Variants in NTM observed in about 807,000 individuals in gnomAD.
The protein encoded by NTM is neurotrimin, also known as IgLON family member 2.
NTM carries 13 observed loss-of-function variants against 42.1 expected under a neutral mutation model. The ratio of observed to expected loss-of-function variants is 0.31; its 90% confidence interval spans 0.20 to 0.49. NTM has a LOEUF of 0.49. Ranked by LOEUF, NTM falls within the 20% of genes least tolerant of loss-of-function variation. NTM has a pLI of 0.99. For synonymous variants in NTM, 187 were observed against 179.2 expected (o/e 1.04, Z -0.35); for missense variants, 373 against 452.8 (o/e 0.82, Z 1.60).
At chr11:131,971,603 C>A (rs11222853) in intron 2 of NTM, among the ~76,000 whole-genome samples, 4 of 151,816 alleles carry the variant, frequency 2.6e-5, no homozygotes, top group Admixed American at 2.6e-4. Flanking sequence ...CTGGAACCAA[C>A]CTGCCTGGGT....
chr11:131,659,120 G>A (rs1377157805), intron 1 of NTM, among the ~76,000 whole-genome samples: 1 of 152,176 alleles, frequency 6.6e-6, no homozygotes, highest in Non-Finnish European at 1.5e-5. Context: ...AAATATTCAA[G>A]GAACTGCTGC....
At position 131,978,332 on chromosome 11, in the gene NTM, A is replaced by G. The variant is rs78472771; in HGVS notation, c.167+66684A>G. ...ATTACATATTTTTCTTTAAAACAGT[A>G]ATAGACTCAGGGATGTTGGCAATGG... is the stretch of plus-strand genomic sequence containing the variant. On this transcript the variant is annotated intron_variant, in intron 2 of 8. Coordinates refer to ENST00000683400, the MANE Select transcript of NTM (RefSeq NM_001352005.2). Among the ~76,000 whole-genome samples the G allele has an allele frequency of 4.1e-3, 629 of 152,332 alleles. 3 individuals carry two copies. Among genetic ancestry groups the G allele is most frequent in the African/African-American group, 0.014 (592 of 41,564 alleles).
At chr11:131,653,198 T>G (rs2066733329) in intron 1 of NTM, among the ~76,000 whole-genome samples, 1 of 152,154 alleles carries the variant, frequency 6.6e-6, no homozygotes, top group African/African-American at 2.4e-5. Context: ...TAGTCTTCCT[T>G]TCTTAGGGAC....
At chr11:131,687,899 C>A (rs1036796597) in intron 1 of NTM, among the ~76,000 whole-genome samples, 2 of 152,174 alleles carry the variant, frequency 1.3e-5, no homozygotes, top group Non-Finnish European at 2.9e-5. Flanking sequence ...CCCCTTGGTG[C>A]CGAATGTGTC....
intron 1 of NTM, among the ~76,000 whole-genome samples, chr11:131,424,066 T>C (rs1011462997): frequency 6.6e-6 from 1 of 152,206 alleles, no homozygotes; most frequent in Non-Finnish European, 1.5e-5. Context: ...GAAGCTGCCA[T>C]GCAAATAAAC....
At chr11:132,049,137 C>T (rs2078476032) in intron 2 of NTM, among the ~76,000 whole-genome samples, 2 of 152,104 alleles carry the variant, frequency 1.3e-5, no homozygotes, top group Admixed American at 1.3e-4. Flanking sequence ...CCACACACCT[C>T]ACATACCTGA....
At chr11:132,052,897 T>G (rs1377884250) in intron 2 of NTM, among the ~76,000 whole-genome samples, 3 of 151,164 alleles carry the variant, frequency 2.0e-5, no homozygotes, top group Non-Finnish European at 4.4e-5. Context: ...AATCCCTGGA[T>G]TTTTTTTTCT....
chr11:131,695,817 T>C (rs2075375411), intron 1 of NTM, among the ~76,000 whole-genome samples: 1 of 152,130 alleles, frequency 6.6e-6, no homozygotes, highest in South Asian at 2.1e-4. Context: ...CAATATTCCA[T>C]TGAGGAAAGA....
chr11:132,319,535 C>T (rs929440284), intron 7 of NTM, among the ~76,000 whole-genome samples: 3 of 152,166 alleles, frequency 2.0e-5, no homozygotes, highest in Non-Finnish European at 4.4e-5. Flanking sequence ...CACAGCAGTC[C>T]GAAATCAAAC....
At chr11:131,787,389 TA>T (rs1369103513) in intron 1 of NTM, among the ~76,000 whole-genome samples, 2 of 149,480 alleles carry the variant, frequency 1.3e-5, no homozygotes, top group Non-Finnish European at 3.0e-5. Flanking sequence ...ATTTTATTTT[TA>T]TTTTTTTTGA....
At chr11:132,123,825 G>C (rs1173148866) in intron 2 of NTM, among the ~76,000 whole-genome samples, 2 of 152,078 alleles carry the variant, frequency 1.3e-5, no homozygotes, top group African/African-American at 4.8e-5. Flanking sequence ...AGGTTCCTAC[G>C]TGTGCACAGC....
intron 1 of NTM, among the ~76,000 whole-genome samples, chr11:131,469,829 C>G (rs1026309525): frequency 1.3e-5 from 2 of 152,188 alleles, no homozygotes; most frequent in Non-Finnish European, 2.9e-5. Flanking sequence ...CTTGGAGCAT[C>G]GTAAGCAGTC....
At chr11:131,383,744 A>G (rs139545780) in intron 1 of NTM, among the ~76,000 whole-genome samples, 6 of 152,328 alleles carry the variant, frequency 3.9e-5, no homozygotes, top group African/African-American at 1.4e-4. Context: ...GCCTGAGAGT[A>G]ACATGACCAC....
intron 4 of NTM, among the ~76,000 whole-genome samples, chr11:132,263,890 A>G (rs1475896703): frequency 2.0e-5 from 3 of 152,198 alleles, no homozygotes; most frequent in Non-Finnish European, 4.4e-5. Flanking sequence ...TTTACCATTC[A>G]TATTTCTACC....
At chr11:131,961,495 G>T (rs1395892758) in intron 2 of NTM, among the ~76,000 whole-genome samples, 9 of 152,168 alleles carry the variant, frequency 5.9e-5, no homozygotes, top group South Asian at 2.1e-4. Context: ...GTGATGAAAG[G>T]TGCAGCATTG....
At chr11:131,976,538 A>G (rs544935096) in intron 2 of NTM, among the ~76,000 whole-genome samples, 1 of 152,266 alleles carries the variant, frequency 6.6e-6, no homozygotes, top group Admixed American at 6.5e-5. Flanking sequence ...AGATGGGCAC[A>G]CTGTTCAACA....
intron 2 of NTM, among the ~76,000 whole-genome samples, chr11:132,057,993 C>T (rs1379195724): frequency 1.3e-5 from 2 of 152,164 alleles, no homozygotes; most frequent in African/African-American, 2.4e-5. Context: ...TAGCCTTGTT[C>T]ATGACTGAAA....
intron 3 of NTM, among the ~76,000 whole-genome samples, chr11:132,200,811 G>T (rs1262680051): frequency 6.6e-6 from 1 of 152,178 alleles, no homozygotes; most frequent in Admixed American, 6.5e-5. Context: ...AGAGAGGAAT[G>T]ATTATTACCT....
At chr11:131,604,390 T>A (rs757696788) in intron 1 of NTM, among the ~76,000 whole-genome samples, 9 of 152,192 alleles carry the variant, frequency 5.9e-5, no homozygotes, top group Non-Finnish European at 1.2e-4. Context: ...TGCCTTATTA[T>A]TGAGTTGTAA....
Sources: gnomAD v4.1 joint callset for allele counts (sites outside exome capture counted in the v4.1 genomes callset) on GRCh38, gnomAD v4.1.1 for gene constraint, MANE v1.5 for transcripts, NCBI Gene and HGNC (gene_info 2026-07-23, HGNC 2026-07-21) for gene names.